TBCK: variants seen among roughly 807,000 people sequenced by gnomAD.
TBCK encodes the protein TBC domain-containing protein kinase-like protein.
Under a neutral mutation model 113.4 loss-of-function variants are expected in TBCK, and 99 were observed. The observed-to-expected ratio is 0.87, with a 90% CI of 0.74 to 1.03. The LOEUF (loss-of-function observed/expected upper bound fraction) is 1.03. Ranked by LOEUF, TBCK falls within the 50% of genes least tolerant of loss-of-function variation. TBCK has a pLI of 0.00. For missense variants in TBCK, 1,045 were observed against 1,061.3 expected, an observed-to-expected ratio of 0.98 and a Z score of 0.21; for synonymous variants, 369 against 370.8, an observed-to-expected ratio of 1.00 and a Z score of 0.05.
At chr4:106,060,100 G>C (rs1735870803) in intron 25 of TBCK, among the ~76,000 whole-genome samples, 1 of 151,778 alleles carries the variant, frequency 6.6e-6, no homozygotes, top group South Asian at 2.1e-4. Flanking sequence ...AAGAAAAGAA[G>C]CTGTCTCCAT....
At chr4:106,051,319 C>T (rs1560580657) in intron 25 of TBCK, among the ~76,000 whole-genome samples, 1 of 151,778 alleles carries the variant, frequency 6.6e-6, no homozygotes, top group South Asian at 2.1e-4. Flanking sequence ...TTACCTGATA[C>T]GAGTTTGAAG....
rs766786836 is a variant in TBCK at position 106,231,679 on chromosome 4, T to C, written c.1690+50A>G. 2.0e-6 allele frequency: 3 copies of C among 1,532,498 alleles called. No individual in the cohort carries two copies. In the Admixed American group the frequency reaches 5.9e-5, roughly 30 times the overall value. 94.9% of individuals were successfully genotyped at this position (1,532,498 alleles called of 1,614,324 possible). A position where few individuals can be genotyped will look rare whatever the true frequency, so the allele number is the denominator to read the frequency against. On this transcript the variant is annotated intron_variant, in intron 18 of 25. Transcript: ENST00000394708. Reference sequence around the variant, plus strand: ...AAAAACCTTTCATGTGTGAATCAAATATTTTAGAATATTATGCGCAATGAT... The same window carrying C: ...AAAAACCTTTCATGTGTGAATCAAACATTTTAGAATATTATGCGCAATGAT...
chr4:106,218,560 G>A (rs1757270529), intron 19 of TBCK, among the ~76,000 whole-genome samples: 3 of 71,488 alleles, frequency 4.2e-5, no homozygotes, highest in African/African-American at 1.1e-4. Context: ...GTGGGCAAAG[G>A]ACATGAACAG....
At chr4:106,149,697 T>A (rs972975948) in intron 23 of TBCK, among the ~76,000 whole-genome samples, 1 of 152,180 alleles carries the variant, frequency 6.6e-6, no homozygotes. Context: ...TGAAAAAGTT[T>A]GAAATATTGC....
chr4:106,106,823 C>T (rs1451206387), intron 24 of TBCK, among the ~76,000 whole-genome samples: 1 of 152,072 alleles, frequency 6.6e-6, no homozygotes, highest in East Asian at 1.9e-4. Context: ...TGAAAATACC[C>T]CACTTAAAAG....
intron 5 of TBCK, among the ~76,000 whole-genome samples, chr4:106,254,101 G>C (rs1401503942): frequency 6.6e-6 from 1 of 151,806 alleles, no homozygotes; most frequent in Admixed American, 6.6e-5. Flanking sequence ...CAATCTTGAA[G>C]AACAAATGTT....
At chr4:106,182,513 A>G (rs1018507368) in intron 22 of TBCK, 1 of 152,050 alleles carries the variant, frequency 6.6e-6, no homozygotes, top group Non-Finnish European at 1.5e-5. Context: ...GTCCGTCACA[A>G]ATAGCTCTTA....
At chr4:106,145,572 C>A (rs1002240683) in intron 23 of TBCK, among the ~76,000 whole-genome samples, 1 of 152,032 alleles carries the variant, frequency 6.6e-6, no homozygotes, top group South Asian at 2.1e-4. Flanking sequence ...TTTGATTTCC[C>A]AGTACATATA....
rs561861280 is a variant in TBCK at position 106,120,438 on chromosome 4, G to A, written c.2236-4060C>T. ...TTGCTTAGGTAAACAAAGCAGCTGG[G>A]AAGCTTGAACTGGGTGGAGCCCACC... is the stretch of plus-strand genomic sequence containing the variant. On this transcript the variant is annotated intron_variant, in intron 23 of 25. Coordinates refer to ENST00000394708, the MANE Select transcript of TBCK (RefSeq NM_001163435.3). Among the ~76,000 whole-genome samples the A allele has an allele frequency of 5.4e-4, 83 of 152,348 alleles. 1 individual carries two copies. The highest frequency in any genetic ancestry group is 8.3e-4 in the South Asian group (4 of 4,824).
At chr4:106,226,307 A>C (rs1758238999) in intron 19 of TBCK, among the ~76,000 whole-genome samples, 2 of 152,212 alleles carry the variant, frequency 1.3e-5, no homozygotes, top group Non-Finnish European at 1.5e-5. Context: ...GATAATTTCT[A>C]TGTTTTGTAA....
chr4:106,309,384 C>A (rs1489068734), intron 1 of TBCK, among the ~76,000 whole-genome samples: 2 of 147,436 alleles, frequency 1.4e-5, no homozygotes, highest in African/African-American at 5.1e-5. Context: ...GTGATCTCCG[C>A]GCACTGCAAC....
chr4:106,186,625 T>C (rs1024272147), intron 22 of TBCK, among the ~76,000 whole-genome samples: 1 of 152,212 alleles, frequency 6.6e-6, no homozygotes, highest in African/African-American at 2.4e-5. Context: ...AGACTCTGGA[T>C]AGTAGACCTT....
intron 2 of TBCK, among the ~76,000 whole-genome samples, chr4:106,305,434 A>C (rs1201002241): frequency 1.3e-5 from 2 of 152,120 alleles, no homozygotes; most frequent in African/African-American, 2.4e-5. Flanking sequence ...AAAACATAAC[A>C]GACAGAAGAG....
At chr4:106,078,603 C>T (rs139323127) in intron 25 of TBCK, among the ~76,000 whole-genome samples, 18 of 152,110 alleles carry the variant, frequency 1.2e-4, no homozygotes, top group African/African-American at 4.3e-4. Context: ...CAATTTGGAA[C>T]AGACCTATAA....
At chr4:106,244,788 T>G in intron 10 of TBCK, 24 bp from the exon 11 acceptor site, 1 of 1,421,900 alleles carries the variant, frequency 7.0e-7, no homozygotes, top group Non-Finnish European at 9.7e-7. Context: ...ATTTAAGGAA[T>G]CATTGTATTA....
rs1237937157 is a variant in TBCK, at chr4:106,163,864, TTTC to T, written c.2235+7228_2235+7230del. ...ATCTCTGTCTGGGAATTTGTTTGCC[TTTC>T]TTCTTCTCTACACTTGGAATATAGA... On this transcript the variant is annotated intron_variant, in intron 23 of 25. Coordinates refer to ENST00000394708, the MANE Select transcript of TBCK (RefSeq NM_001163435.3). Among the ~76,000 whole-genome samples, 9 of 152,110 alleles carry T rather than the reference TTTC, an allele frequency of 5.9e-5. No homozygotes were observed. In the East Asian group the frequency reaches 1.2e-3, roughly 20 times the overall value.
rs140664465 is a variant in TBCK, at chr4:106,077,400, C to A, written c.2571+18082G>T. Among the ~76,000 whole-genome samples, 672 of 152,230 alleles carry A rather than the reference C, an allele frequency of 4.4e-3. 1 individual carries two copies. The highest frequency in any genetic ancestry group is 6.5e-3 in the Non-Finnish European group (440 of 68,026). On this transcript the variant is annotated intron_variant, in intron 25 of 25. Coordinates refer to ENST00000394708, the MANE Select transcript of TBCK (RefSeq NM_001163435.3). Reference sequence around the variant, plus strand: ...TCAAGGCGGATAAAGAAGCAAGACCCAAATGTTTGCTGTCTTCAAGAGATC... The same window carrying A: ...TCAAGGCGGATAAAGAAGCAAGACCAAAATGTTTGCTGTCTTCAAGAGATC...
chr4:106,162,616 T>A (rs1749923055), intron 23 of TBCK, among the ~76,000 whole-genome samples: 1 of 152,126 alleles, frequency 6.6e-6, no homozygotes, highest in Non-Finnish European at 1.5e-5. Flanking sequence ...TTCTCAAACC[T>A]CGATTTTTGA....
At chr4:106,306,766 C>T (rs1294046398) in intron 2 of TBCK, among the ~76,000 whole-genome samples, 1 of 152,180 alleles carries the variant, frequency 6.6e-6, no homozygotes, top group African/African-American at 2.4e-5. Context: ...TTGTTCCCTA[C>T]AGAGAGAGAC....
Sources: allele counts gnomAD v4.1 joint callset (sites outside exome capture counted in the v4.1 genomes callset), GRCh38; gene constraint gnomAD v4.1.1; transcripts MANE v1.5; gene names NCBI Gene and HGNC (gene_info 2026-07-23, HGNC 2026-07-21).